Variants in EXOC6 observed in about 807,000 individuals in gnomAD.
EXOC6 encodes the protein exocyst complex component 6, also known as SEC15-like 1.
Under a neutral mutation model 112.5 loss-of-function variants are expected in EXOC6, and 60 were observed. The observed-to-expected ratio is 0.53, with a 90% CI of 0.43 to 0.66. The LOEUF is 0.66. Ranked by LOEUF, EXOC6 falls within the 30% of genes least tolerant of loss-of-function variation. The pLI is 0.00. For missense variants in EXOC6, 855 were observed against 957.1 expected (o/e 0.89, Z 1.41); for synonymous variants, 295 against 308.0 (o/e 0.96, Z 0.44).
chr10:92,922,654 A>G (rs1474285599), intron 8 of EXOC6, among the ~76,000 whole-genome samples: 1 of 152,214 alleles, frequency 6.6e-6, no homozygotes, highest in Non-Finnish European at 1.5e-5. Flanking sequence ...CTCTTTGGAA[A>G]ATGCTGCACA....
intron 6 of EXOC6, among the ~76,000 whole-genome samples, chr10:92,912,012 A>G (rs760065263): frequency 8.8e-5 from 13 of 147,966 alleles, no homozygotes; most frequent in Non-Finnish European, 7.4e-5. Flanking sequence ...GTCTCTCATC[A>G]GCTGTGCTCA....
At chr10:92,951,303 T>G (rs1853399023) in intron 14 of EXOC6, among the ~76,000 whole-genome samples, 1 of 151,934 alleles carries the variant, frequency 6.6e-6, no homozygotes, top group Non-Finnish European at 1.5e-5. Flanking sequence ...GTATATGTAG[T>G]AGAAAGAGAG....
chr10:92,950,054 A>G (rs1005011827), intron 14 of EXOC6, among the ~76,000 whole-genome samples: 3 of 152,228 alleles, frequency 2.0e-5, no homozygotes, highest in African/African-American at 4.8e-5. Flanking sequence ...AGCATTTCTA[A>G]TATATGCAGT....
At chr10:92,828,944 T>A (rs1267808948) in intron 1 of EXOC6, among the ~76,000 whole-genome samples, 2 of 152,050 alleles carry the variant, frequency 1.3e-5, no homozygotes, top group Non-Finnish European at 2.9e-5. Flanking sequence ...CGTAAACTTT[T>A]CCTTTTAATG....
upstream of EXOC6, among the ~76,000 whole-genome samples, chr10:92,830,798 A>C (rs1846462456): frequency 1.3e-5 from 2 of 152,178 alleles, no homozygotes; most frequent in Admixed American, 1.3e-4. Context: ...TAATCCTAGG[A>C]AGTAGTCAAA....
intron 1 of EXOC6, among the ~76,000 whole-genome samples, chr10:92,868,979 G>A (rs752831120): frequency 1.3e-5 from 2 of 151,840 alleles, no homozygotes; most frequent in Non-Finnish European, 2.9e-5. Context: ...TTCTCATTAG[G>A]AGAGCTCTGG....
At chr10:93,032,047 A>T (rs1845302502) in intron 20 of EXOC6, among the ~76,000 whole-genome samples, 1 of 152,008 alleles carries the variant, frequency 6.6e-6, no homozygotes, top group Non-Finnish European at 1.5e-5. Context: ...ATCTGTTATG[A>T]ATAATTTGTA....
intron 20 of EXOC6, among the ~76,000 whole-genome samples, chr10:93,032,983 GAGAA>G (rs1276785416): frequency 1.3e-5 from 2 of 152,144 alleles, no homozygotes; most frequent in African/African-American, 4.8e-5. Flanking sequence ...TGTTAGGAAA[GAGAA>G]AGGGTAATAG....
At chr10:92,927,017 ATTGT>A (rs1851761696) in intron 8 of EXOC6, among the ~76,000 whole-genome samples, 1 of 152,192 alleles carries the variant, frequency 6.6e-6, no homozygotes, top group African/African-American at 2.4e-5. Flanking sequence ...AATTATTTTA[ATTGT>A]TTGCGTATAA....
intron 1 of EXOC6, among the ~76,000 whole-genome samples, chr10:92,828,214 A>G (rs912256002): frequency 6.6e-6 from 1 of 152,246 alleles, no homozygotes; most frequent in Admixed American, 6.5e-5. Context: ...TTATTTCCCT[A>G]TCTTGACTTA....
At chr10:92,828,190 A>G (rs767864624) in intron 1 of EXOC6, among the ~76,000 whole-genome samples, 1 of 152,120 alleles carries the variant, frequency 6.6e-6, no homozygotes, top group Non-Finnish European at 1.5e-5. Flanking sequence ...CTTTCTTACC[A>G]ATCTTTACGT....
intron 7 of EXOC6, among the ~76,000 whole-genome samples, chr10:92,917,487 T>G (rs1039363642): frequency 3.3e-5 from 5 of 151,784 alleles, no homozygotes; most frequent in African/African-American, 4.8e-5. Context: ...ATTTTCTTTC[T>G]TTCATCTTCT....
At position 92,868,505 on chromosome 10, in the gene EXOC6, C is replaced by G. The variant is rs548854797; in HGVS notation, c.101+19871C>G. ...TGGTAGGGCTACCTGCATCTCATCGCTTATCTTTTTCAGGGATTTCCTGGT... is the reference window on the plus strand; with the variant it reads ...TGGTAGGGCTACCTGCATCTCATCGGTTATCTTTTTCAGGGATTTCCTGGT... On this transcript the variant is annotated intron_variant, in intron 1 of 21. Coordinates refer to ENST00000260762, the MANE Select transcript of EXOC6 (RefSeq NM_019053.6). Among the ~76,000 whole-genome samples, 3 of 152,184 alleles carry G rather than the reference C, an allele frequency of 2.0e-5. No individual in the cohort carries two copies. The South Asian group carries it at 6.2e-4, about 32-fold the overall frequency.
At chr10:92,827,387 T>C (rs1353677239) in intron 1 of EXOC6, among the ~76,000 whole-genome samples, 1 of 138,786 alleles carries the variant, frequency 7.2e-6, no homozygotes, top group African/African-American at 2.7e-5. Context: ...GGTGGGAGGA[T>C]GGCTTGAGCC....
At chr10:92,917,086 C>G (rs562873358) in intron 7 of EXOC6, among the ~76,000 whole-genome samples, 11 of 151,984 alleles carry the variant, frequency 7.2e-5, no homozygotes, top group Admixed American at 5.9e-4. Context: ...GCCTCAGCCT[C>G]CCAAGTAGCT....
chr10:92,888,420 TG>T (rs1297402551), intron 1 of EXOC6, among the ~76,000 whole-genome samples: 1 of 152,196 alleles, frequency 6.6e-6, no homozygotes, highest in Non-Finnish European at 1.5e-5. Flanking sequence ...CTTTCTAAAC[TG>T]AAATAGACTT....
upstream of EXOC6, chr10:92,848,448 C>CCCCCCCG: frequency 1.9e-6 from 2 of 1,033,828 alleles, no homozygotes; most frequent in Non-Finnish European, 2.4e-6. Context: ...GCCCCCGCCC[C>CCCCCCCG]GCCCCTTCGC....
rs34153493 is a variant in EXOC6, at chr10:92,854,007, C to CAAAA, written c.101+5387_101+5390dup. 3.2e-3 allele frequency among the ~76,000 whole-genome samples: 382 copies of CAAAA among 120,060 alleles called. 7 individuals are homozygous for CAAAA. Among genetic ancestry groups the CAAAA allele is most frequent in the African/African-American group, 0.012 (363 of 31,230 alleles). The allele number at this position is 120,060 out of a possible 152,430, so 78.8% of individuals were successfully genotyped here. On this transcript the variant is annotated intron_variant, in intron 1 of 21. Transcript: ENST00000260762. Reference sequence around the variant, plus strand: ...TGGGCAACAGAGTGAGTCCCTGTCTCAAAAAAAAAAAAAAAAAGGAAAGAA... The same window carrying CAAAA: ...TGGGCAACAGAGTGAGTCCCTGTCTCAAAAAAAAAAAAAAAAAAAAAGGAAAGAA...
At chr10:92,976,150 G>A (rs1842592243) in intron 18 of EXOC6, among the ~76,000 whole-genome samples, 1 of 152,046 alleles carries the variant, frequency 6.6e-6, no homozygotes, top group African/African-American at 2.4e-5. Context: ...CCTCTGCCGG[G>A]CCACCACCCC....
Sources: allele counts gnomAD v4.1 joint callset (sites outside exome capture counted in the v4.1 genomes callset), GRCh38; gene constraint gnomAD v4.1.1; transcripts MANE v1.5; gene names NCBI Gene and HGNC (gene_info 2026-07-23, HGNC 2026-07-21).